PIK3C2A: variants seen among roughly 807,000 people sequenced by gnomAD.
PIK3C2A encodes phosphatidylinositol-4-phosphate 3-kinase catalytic subunit type 2 alpha.
PIK3C2A carries 97 observed loss-of-function variants against 204.5 expected under a neutral mutation model. That is an observed-to-expected ratio of 0.47 (90% CI 0.40 to 0.56). PIK3C2A has a LOEUF of 0.56. Ranked by LOEUF, PIK3C2A falls within the 20% of genes least tolerant of loss-of-function variation. The probability of loss-of-function intolerance (pLI) is 0.00; values close to 1 mark genes in which losing one functional copy is unlikely to be tolerated. For synonymous variants in PIK3C2A, 653 were observed against 664.4 expected (o/e 0.98, Z 0.26); for missense variants, 1,735 against 1,969.2 (o/e 0.88, Z 2.25).
chr11:17,165,932 A>T (rs1201620011), intron 2 of PIK3C2A, among the ~76,000 whole-genome samples: 1 of 152,188 alleles, frequency 6.6e-6, no homozygotes, highest in Non-Finnish European at 1.5e-5. Context: ...CACAAAGTAA[A>T]TAATAGAATA....
intron 1 of PIK3C2A, among the ~76,000 whole-genome samples, chr11:17,203,099 A>G (rs1852444943): frequency 6.6e-6 from 1 of 152,226 alleles, no homozygotes; most frequent in Non-Finnish European, 1.5e-5. Context: ...TAAAATTTTA[A>G]GAAATCCAAG....
intron 32 of PIK3C2A, among the ~76,000 whole-genome samples, chr11:17,090,845 T>C (rs954435019): frequency 5.9e-5 from 9 of 151,808 alleles, no homozygotes; most frequent in African/African-American, 2.2e-4. Flanking sequence ...GCTCAAGCAA[T>C]CCTTTGACCT....
chr11:17,195,808 G>T (rs1852133604), intron 1 of PIK3C2A, among the ~76,000 whole-genome samples: 1 of 151,056 alleles, frequency 6.6e-6, no homozygotes, highest in Non-Finnish European at 1.5e-5. Context: ...GGGAGGCCAA[G>T]GCAGGTGGAT....
At chr11:17,103,573 T>C (rs920306255) in intron 23 of PIK3C2A, among the ~76,000 whole-genome samples, 3 of 152,186 alleles carry the variant, frequency 2.0e-5, no homozygotes, top group Admixed American at 6.5e-5. Context: ...AATGTTTATA[T>C]AGCATTTAGC....
chr11:17,158,792 T>TA (rs986880501), intron 2 of PIK3C2A, among the ~76,000 whole-genome samples: 1 of 151,970 alleles, frequency 6.6e-6, no homozygotes, highest in Non-Finnish European at 1.5e-5. Context: ...TTTTAGGATT[T>TA]AAAAAAAATA....
In PIK3C2A at chr11:17,143,541, G is replaced by A. The variant is rs12289881; in HGVS notation, c.1704+2127C>T. Among the ~76,000 whole-genome samples the A allele has an allele frequency of 6.0e-3, 904 of 151,508 alleles. 18 individuals carry two copies. Among genetic ancestry groups the A allele is most frequent in the African/African-American group, 0.021 (860 of 41,270 alleles). ...TACAGGGCCAAACAGTAACAGCTTA[G>A]GTTTTCAGGATACACAATCTCTGTT... On this transcript the variant is annotated intron_variant, in intron 8 of 32. Coordinates refer to ENST00000691414, the MANE Select transcript of PIK3C2A (RefSeq NM_002645.4).
chr11:17,102,619 C>G, intron 24 of PIK3C2A, 43 bp downstream of exon 24: 2 of 1,480,064 alleles, frequency 1.4e-6, no homozygotes, highest in South Asian at 2.5e-5. Context: ...ATTTGTGAAA[C>G]AGGAAGTGCC....
chr11:17,172,700 T>C (rs1386166736), intron 1 of PIK3C2A, among the ~76,000 whole-genome samples: 4 of 152,246 alleles, frequency 2.6e-5, no homozygotes, highest in Non-Finnish European at 5.9e-5. Flanking sequence ...CGGTTTTCTT[T>C]TCCTTTCTAA....
chr11:17,198,754 C>T (rs976151295), intron 1 of PIK3C2A, among the ~76,000 whole-genome samples: 8 of 151,578 alleles, frequency 5.3e-5, no homozygotes, highest in East Asian at 1.9e-4. Flanking sequence ...ATTGTCTCTG[C>T]GAATAGCCAT....
intron 2 of PIK3C2A, among the ~76,000 whole-genome samples, chr11:17,166,621 C>A (rs1850958903): frequency 6.6e-6 from 1 of 152,206 alleles, no homozygotes; most frequent in Non-Finnish European, 1.5e-5. Context: ...TGGGGCTCTG[C>A]CTTCTACCAG....
At chr11:17,168,343 A>C (rs1332533630) in intron 2 of PIK3C2A, among the ~76,000 whole-genome samples, 3 of 152,108 alleles carry the variant, frequency 2.0e-5, no homozygotes, top group African/African-American at 7.2e-5. Flanking sequence ...GCACTTTGGG[A>C]GGCTGAGACG....
intron 2 of PIK3C2A, among the ~76,000 whole-genome samples, chr11:17,155,999 T>C (rs766569581): frequency 6.6e-6 from 1 of 152,210 alleles, no homozygotes; most frequent in Non-Finnish European, 1.5e-5. Context: ...CATTTGGGAC[T>C]CTTCTAATCA....
intron 8 of PIK3C2A, among the ~76,000 whole-genome samples, chr11:17,143,835 G>C (rs1240865209): frequency 6.6e-6 from 1 of 152,080 alleles, no homozygotes; most frequent in Admixed American, 6.6e-5. Flanking sequence ...TACTAGGGAG[G>C]CTGAGGTGGG....
At chr11:17,207,474 C>G (rs1435274740) in intron 1 of PIK3C2A, among the ~76,000 whole-genome samples, 1 of 152,192 alleles carries the variant, frequency 6.6e-6, no homozygotes, top group African/African-American at 2.4e-5. Context: ...CCGGCCACTG[C>G]GGCTCCAGCC....
intron 28 of PIK3C2A, among the ~76,000 whole-genome samples, chr11:17,093,515 T>C (rs1286604417): frequency 1.3e-5 from 2 of 152,124 alleles, no homozygotes; most frequent in East Asian, 1.9e-4. Flanking sequence ...CCGCCCGCCT[T>C]GGCCTCCCAA....
chr11:17,155,926 GA>G (rs1850576531), intron 2 of PIK3C2A, among the ~76,000 whole-genome samples: 1 of 152,062 alleles, frequency 6.6e-6, no homozygotes, highest in Non-Finnish European at 1.5e-5. Context: ...AGACACTTTA[GA>G]AATTTTACAA....
chr11:17,127,291 A>G (rs1274261329), intron 13 of PIK3C2A, among the ~76,000 whole-genome samples: 1 of 152,094 alleles, frequency 6.6e-6, no homozygotes, highest in Admixed American at 6.6e-5. Flanking sequence ...AAAGAAAAAT[A>G]TTTTTAAAAT....
intron 13 of PIK3C2A, among the ~76,000 whole-genome samples, chr11:17,125,356 A>G (rs1221548104): frequency 6.6e-6 from 1 of 152,148 alleles, no homozygotes; most frequent in East Asian, 1.9e-4. Context: ...AACATCCTAC[A>G]ATGCACAGAA....
At chr11:17,171,384 T>C (rs1046844793) in intron 1 of PIK3C2A, among the ~76,000 whole-genome samples, 3 of 152,036 alleles carry the variant, frequency 2.0e-5, no homozygotes, top group African/African-American at 7.2e-5. Flanking sequence ...GCAAACACAA[T>C]GCTTGTCTAC....
Sources: allele counts gnomAD v4.1 joint callset (sites outside exome capture counted in the v4.1 genomes callset), GRCh38; gene constraint gnomAD v4.1.1; transcripts MANE v1.5; gene names NCBI Gene and HGNC (gene_info 2026-07-23, HGNC 2026-07-21).